FNIP2: variants seen among roughly 807,000 people sequenced by gnomAD.
FNIP2 encodes the protein folliculin interacting protein 2.
FNIP2 carries 32 observed loss-of-function variants against 108.7 expected under a neutral mutation model. The observed-to-expected ratio is 0.29, with a 90% confidence interval of 0.22 to 0.40. FNIP2 has a LOEUF of 0.40. Ranked by LOEUF, FNIP2 falls within the 10% of genes least tolerant of loss-of-function variation. The pLI, the probability that FNIP2 is intolerant of heterozygous loss-of-function variation, is 1.00. For synonymous variants in FNIP2, 480 were observed against 496.7 expected, an observed-to-expected ratio of 0.97 and a Z score of 0.45; for missense variants, 1,202 against 1,381.6, an observed-to-expected ratio of 0.87 and a Z score of 2.06.
intron 1 of FNIP2, among the ~76,000 whole-genome samples, chr4:158,785,384 CCT>C (rs1428621027): frequency 6.6e-6 from 1 of 151,916 alleles, no homozygotes; most frequent in East Asian, 1.9e-4. Flanking sequence ...GCGCCTGGCC[CCT>C]CTCTTTTTTA....
At chr4:158,782,573 T>A (rs1776089753) in intron 1 of FNIP2, among the ~76,000 whole-genome samples, 1 of 151,704 alleles carries the variant, frequency 6.6e-6, no homozygotes, top group South Asian at 2.1e-4. Context: ...TTGCCTCTTT[T>A]GATTCATTTC....
intron 1 of FNIP2, among the ~76,000 whole-genome samples, chr4:158,782,735 G>GGAGGGA (rs1776094852): frequency 6.6e-6 from 1 of 152,158 alleles, no homozygotes; most frequent in African/African-American, 2.4e-5. Context: ...TTGGAAAAAG[G>GGAGGGA]GAGGGAGAGG....
chr4:158,891,773 T>C (rs921782782), intron 15 of FNIP2, 127 bp downstream of exon 15: 1 of 884,140 alleles, frequency 1.1e-6, no homozygotes, highest in African/African-American at 1.7e-5. Flanking sequence ...TAACTAAAAC[T>C]AGAACATGCA....
At position 158,829,238 on chromosome 4, in the gene FNIP2, C is replaced by T. The variant is rs755600526; in HGVS notation, c.381+13C>T. On this transcript the variant is annotated intron_variant, in intron 3 of 16. Coordinates refer to ENST00000264433, the MANE Select transcript of FNIP2 (RefSeq NM_020840.3). Reference sequence around the variant, plus strand: ...TCCAAAGTACCAGGTACAACCATCCCTTCTGTGGGAATAGCCCCTGAGGTT... The same window carrying T: ...TCCAAAGTACCAGGTACAACCATCCTTTCTGTGGGAATAGCCCCTGAGGTT... 6.3e-7 allele frequency: 1 copy of T among 1,589,908 alleles called. No individual in the cohort carries two copies. The highest frequency in any genetic ancestry group is 1.3e-5 in the African/African-American group (1 of 74,158).
chr4:158,839,821 G>A (rs1232173960), intron 7 of FNIP2, among the ~76,000 whole-genome samples: 2 of 152,106 alleles, frequency 1.3e-5, no homozygotes, highest in Non-Finnish European at 2.9e-5. Flanking sequence ...AGATGCTCCA[G>A]AGTCATCTTA....
intron 1 of FNIP2, among the ~76,000 whole-genome samples, chr4:158,782,600 A>C (rs533348215): frequency 4.7e-5 from 7 of 150,490 alleles, no homozygotes; most frequent in African/African-American, 1.7e-4. Flanking sequence ...ATTTATGAGG[A>C]GTCAGTTATG....
intron 15 of FNIP2, among the ~76,000 whole-genome samples, chr4:158,894,506 T>G (rs977738016): frequency 2.4e-4 from 37 of 152,178 alleles, no homozygotes; most frequent in Admixed American, 6.5e-5. Context: ...TCACGTCTAG[T>G]ATATATTTCA....
intron 1 of FNIP2, among the ~76,000 whole-genome samples, chr4:158,821,490 A>G (rs956489474): frequency 6.6e-6 from 1 of 152,238 alleles, no homozygotes; most frequent in African/African-American, 2.4e-5. Context: ...TGGAAGCTCC[A>G]CAGTAACTGT....
chr4:158,872,516 T>C (rs894964912), intron 14 of FNIP2: 34 of 985,310 alleles, frequency 3.5e-5, no homozygotes, highest in Admixed American at 1.2e-4. Context: ...TAATAACCTA[T>C]ATTGTGTCAA....
At chr4:158,884,632 G>T (rs1578979178) in intron 14 of FNIP2, among the ~76,000 whole-genome samples, 1 of 152,114 alleles carries the variant, frequency 6.6e-6, no homozygotes, top group African/African-American at 2.4e-5. Context: ...GGAGAAGGAG[G>T]CTGTACTAGT....
intron 1 of FNIP2, among the ~76,000 whole-genome samples, chr4:158,791,031 T>C (rs986870533): frequency 7.9e-5 from 12 of 152,018 alleles, no homozygotes; most frequent in African/African-American, 2.2e-4. Flanking sequence ...AATTAAACAG[T>C]TTTCTGAAAA....
intron 1 of FNIP2, among the ~76,000 whole-genome samples, chr4:158,791,728 T>G (rs1367677779): frequency 6.6e-6 from 1 of 152,222 alleles, no homozygotes; most frequent in African/African-American, 2.4e-5. Context: ...CCAGACGGTC[T>G]GATAAGAATG....
chr4:158,834,314 C>CTCTCTCTG (rs1778662565), intron 6 of FNIP2: 1 of 149,304 alleles, frequency 6.7e-6, no homozygotes, highest in Non-Finnish European at 1.5e-5. Context: ...CTCTCTCTCT[C>CTCTCTCTG]TCTCTCTCTC....
At chr4:158,781,228 G>C (rs752574709) in intron 1 of FNIP2, among the ~76,000 whole-genome samples, 4 of 152,130 alleles carry the variant, frequency 2.6e-5, no homozygotes, top group African/African-American at 2.4e-5. Context: ...ATCTGGGCTA[G>C]TTAGGGAGGC....
At chr4:158,829,711 GGTGTGT>G (rs142274727) in intron 3 of FNIP2, among the ~76,000 whole-genome samples, 2 of 148,354 alleles carry the variant, frequency 1.3e-5, no homozygotes, top group African/African-American at 2.5e-5. Context: ...GTGTGTGTGG[GGTGTGT>G]GTGTGTGTGT....
intron 1 of FNIP2, chr4:158,795,717 TC>T (rs1052677569): frequency 5.3e-5 from 8 of 152,214 alleles, no homozygotes; most frequent in African/African-American, 1.9e-4. Flanking sequence ...TTACAGCTGA[TC>T]CCCATCGCCG....
intron 14 of FNIP2, chr4:158,871,616 G>A: frequency 1.0e-6 from 1 of 985,326 alleles, no homozygotes; most frequent in South Asian, 4.7e-5. Context: ...AGAAGCTGGG[G>A]AAAGCCAGCC....
chr4:158,851,313 T>C lies in FNIP2; in HGVS notation c.728-8T>C. 6.2e-7 allele frequency: 1 copy of C among 1,613,850 alleles called. No individual in the cohort carries two copies. The highest frequency in any genetic ancestry group is 8.5e-7 in the Non-Finnish European group (1 of 1,179,802). ...CCTCAACTTTCAAATTCCAAATTCT[T>C]CCTACAGCCTCACTAAGCAGTCTTT... On this transcript the variant is annotated splice_region_variant and splice_polypyrimidine_tract_variant and intron_variant, in intron 7 of 16. Coordinates refer to ENST00000264433, the MANE Select transcript of FNIP2 (RefSeq NM_020840.3).
intron 8 of FNIP2, among the ~76,000 whole-genome samples, chr4:158,854,423 C>A (rs1779869861): frequency 6.6e-6 from 1 of 152,180 alleles, no homozygotes; most frequent in Non-Finnish European, 1.5e-5. Flanking sequence ...CCTGGCAGTG[C>A]CGCTTTAGAG....
Sources: gnomAD v4.1 joint callset for allele counts (sites outside exome capture counted in the v4.1 genomes callset) on GRCh38, gnomAD v4.1.1 for gene constraint, MANE v1.5 for transcripts, NCBI Gene and HGNC (gene_info 2026-07-23, HGNC 2026-07-21) for gene names.